ZNF385D: variants seen among roughly 807,000 people sequenced by gnomAD.
ZNF385D encodes the protein zinc finger protein 385D.
A neutral mutation model predicts 35.8 loss-of-function variants in ZNF385D; 15 were observed. That is an observed-to-expected ratio of 0.42 (90% CI 0.28 to 0.64). ZNF385D has a LOEUF of 0.64. Ranked by LOEUF, ZNF385D falls within the 30% of genes least tolerant of loss-of-function variation. The probability of loss-of-function intolerance (pLI) is 0.23; values close to 1 mark genes in which losing one functional copy is unlikely to be tolerated. For synonymous variants in ZNF385D, 212 were observed against 186.8 expected (o/e 1.13, Z -1.10); for missense variants, 474 against 494.6 (o/e 0.96, Z 0.39).
intron 3 of ZNF385D, among the ~76,000 whole-genome samples, chr3:21,546,232 C>G (rs145959621): frequency 6.6e-6 from 1 of 152,234 alleles, no homozygotes; most frequent in East Asian, 1.9e-4. Context: ...CCAGCAATCT[C>G]TGGCTGCAGC....
chr3:21,869,111 G>A (rs1178462373), intron 3 of ZNF385D, among the ~76,000 whole-genome samples: 1 of 152,044 alleles, frequency 6.6e-6, no homozygotes, highest in East Asian at 1.9e-4. Flanking sequence ...GCATAACAAT[G>A]TTTCGAGGGA....
At chr3:21,509,448 C>A (rs1352537107) in intron 4 of ZNF385D, among the ~76,000 whole-genome samples, 1 of 152,150 alleles carries the variant, frequency 6.6e-6, no homozygotes, top group East Asian at 1.9e-4. Context: ...CAAAATAAAG[C>A]AGGTAGTCTT....
At chr3:21,910,707 A>T (rs981759011) in intron 3 of ZNF385D, among the ~76,000 whole-genome samples, 2 of 151,656 alleles carry the variant, frequency 1.3e-5, no homozygotes, top group Non-Finnish European at 1.5e-5. Flanking sequence ...AAAAAGTAAC[A>T]TGCATGGGCC....
At chr3:21,947,382 C>A (rs1275303759) in intron 3 of ZNF385D, among the ~76,000 whole-genome samples, 1 of 151,896 alleles carries the variant, frequency 6.6e-6, no homozygotes. Context: ...GACAGAGTCT[C>A]GCTCTGTCGC....
chr3:21,622,479 A>C (rs2065033747), intron 2 of ZNF385D, among the ~76,000 whole-genome samples: 1 of 152,130 alleles, frequency 6.6e-6, no homozygotes, highest in Admixed American at 6.6e-5. Context: ...CAAGGTTGAA[A>C]TTGTAGTTTT....
At chr3:22,166,635 C>T (rs1345824423) in intron 3 of ZNF385D, among the ~76,000 whole-genome samples, 3 of 152,192 alleles carry the variant, frequency 2.0e-5, no homozygotes, top group Admixed American at 2.0e-4. Flanking sequence ...TAATAAAGTG[C>T]TAACCTCTAA....
chr3:22,325,019 G>C (rs190107168), intron 2 of ZNF385D, among the ~76,000 whole-genome samples: 2 of 152,148 alleles, frequency 1.3e-5, no homozygotes, highest in Admixed American at 1.3e-4. Context: ...ATAACAGTAC[G>C]TACTTTCTAA....
chr3:21,621,000 A>G (rs770359695), intron 2 of ZNF385D, among the ~76,000 whole-genome samples: 3 of 149,508 alleles, frequency 2.0e-5, no homozygotes, highest in African/African-American at 5.0e-5. Context: ...GTGTGTGCGC[A>G]CACACACACA....
intron 3 of ZNF385D, chr3:21,511,626 G>C (rs955674689): frequency 2.2e-6 from 1 of 451,650 alleles, no homozygotes; most frequent in Non-Finnish European, 4.5e-6. Flanking sequence ...TCTTACCAAG[G>C]GTAGTCTGAG....
chr3:21,917,612 A>C (rs1470544937), intron 3 of ZNF385D, among the ~76,000 whole-genome samples: 6 of 152,210 alleles, frequency 3.9e-5, no homozygotes, highest in African/African-American at 1.4e-4. Context: ...GGTTGACTAT[A>C]AACTCTCAGC....
At chr3:21,567,166 C>T (rs968876879) in intron 2 of ZNF385D, among the ~76,000 whole-genome samples, 1 of 152,262 alleles carries the variant, frequency 6.6e-6, no homozygotes, top group African/African-American at 2.4e-5. Flanking sequence ...ATTCTTTGAT[C>T]TTTTCAAGTC....
chr3:21,923,388 G>C (rs1185038335), intron 3 of ZNF385D, among the ~76,000 whole-genome samples: 1 of 152,162 alleles, frequency 6.6e-6, no homozygotes, highest in Non-Finnish European at 1.5e-5. Context: ...AAAGAAAAGT[G>C]AATGTTTATA....
At chr3:22,301,172 G>C (rs1702880499) in intron 2 of ZNF385D, among the ~76,000 whole-genome samples, 1 of 152,058 alleles carries the variant, frequency 6.6e-6, no homozygotes, top group Middle Eastern at 3.2e-3. Flanking sequence ...AGCGAAATAA[G>C]CTGGGCACTG....
intron 1 of ZNF385D, among the ~76,000 whole-genome samples, chr3:21,741,816 G>A (rs1465416713): frequency 6.6e-6 from 1 of 152,104 alleles, no homozygotes; most frequent in East Asian, 1.9e-4. Flanking sequence ...GAAAGAGTAT[G>A]GGGCATGGAA....
chr3:22,111,716 C>G (rs941955744), intron 3 of ZNF385D, among the ~76,000 whole-genome samples: 2 of 152,090 alleles, frequency 1.3e-5, no homozygotes, highest in Non-Finnish European at 2.9e-5. Flanking sequence ...TAGAAGACAT[C>G]GGATCAAACT....
At chr3:21,522,788 CT>C (rs1707992951) in intron 3 of ZNF385D, among the ~76,000 whole-genome samples, 1 of 152,110 alleles carries the variant, frequency 6.6e-6, no homozygotes, top group Non-Finnish European at 1.5e-5. Context: ...TCTTTTTGTG[CT>C]TAAAGTTTTC....
chr3:21,927,593 A>G (rs974888281), intron 3 of ZNF385D, among the ~76,000 whole-genome samples: 8 of 152,222 alleles, frequency 5.3e-5, no homozygotes, highest in African/African-American at 1.9e-4. Flanking sequence ...CTCATAGAAG[A>G]CAAACTTTAG....
At chr3:21,699,174 T>C (rs1358103975) in intron 1 of ZNF385D, among the ~76,000 whole-genome samples, 1 of 152,300 alleles carries the variant, frequency 6.6e-6, no homozygotes, top group South Asian at 2.1e-4. Flanking sequence ...AAGGATGAGT[T>C]CATGTCCTTT....
Position 22,111,172 on chromosome 3 carries a change from T to G in ZNF385D, c.325+57645A>C, listed in dbSNP as rs867289515. On this transcript the variant is annotated intron_variant, in intron 3 of 5. Transcript: ENST00000494108. ...GTTGGATTTTTTTTTTTTTTTTTTT[T>G]TTTTGTTTTTTTTGTACTCTCAGGA... Among the ~76,000 whole-genome samples the G allele has an allele frequency of 6.1e-4, 66 of 107,348 alleles. No homozygotes were observed. The Middle Eastern group carries it at 0.016, about 27-fold the overall frequency. The allele number at this position is 107,348 out of a possible 152,430, so 70.4% of individuals were successfully genotyped here. A position where few individuals can be genotyped will look rare whatever the true frequency, so the allele number is the denominator to read the frequency against.
Sources: gnomAD v4.1 joint callset for allele counts (sites outside exome capture counted in the v4.1 genomes callset) on GRCh38, gnomAD v4.1.1 for gene constraint, MANE v1.5 for transcripts, NCBI Gene and HGNC (gene_info 2026-07-23, HGNC 2026-07-21) for gene names.